LRRC3B: variants seen among roughly 807,000 people sequenced by gnomAD.
LRRC3B encodes leucine-rich repeat-containing protein 3B.
A neutral mutation model predicts 12.8 loss-of-function variants in LRRC3B; 2 were observed. The observed-to-expected ratio is 0.16, with a 90% CI of 0.06 to 0.49. The LOEUF (loss-of-function observed/expected upper bound fraction) is 0.49. LRRC3B is among the 20% of genes least tolerant of loss of function. The probability of loss-of-function intolerance (pLI) is 0.96; values close to 1 mark genes in which losing one functional copy is unlikely to be tolerated. For synonymous variants in LRRC3B, 132 were observed against 122.0 expected, an observed-to-expected ratio of 1.08 and a Z score of -0.54; for missense variants, 189 against 319.4, an observed-to-expected ratio of 0.59 and a Z score of 3.11.
At chr3:26,638,412 A>G (rs1325525667) in intron 1 of LRRC3B, among the ~76,000 whole-genome samples, 3 of 151,490 alleles carry the variant, frequency 2.0e-5, no homozygotes, top group Non-Finnish European at 2.9e-5. Flanking sequence ...GGGTCAACGG[A>G]AAAAAAAATC....
At chr3:26,658,805 G>T (rs1249877211) in intron 1 of LRRC3B, among the ~76,000 whole-genome samples, 1 of 151,770 alleles carries the variant, frequency 6.6e-6, no homozygotes, top group Non-Finnish European at 1.5e-5. Context: ...TCAAGTCTAA[G>T]ATTGCATCTA....
At chr3:26,708,681 G>GC (rs1700668321) in intron 1 of LRRC3B, among the ~76,000 whole-genome samples, 1 of 152,164 alleles carries the variant, frequency 6.6e-6, no homozygotes, top group South Asian at 2.1e-4. Flanking sequence ...AATTTCTGTA[G>GC]CCCCTGCCAA....
chr3:26,632,086 C>T (rs1460840296), intron 1 of LRRC3B, among the ~76,000 whole-genome samples: 2 of 152,090 alleles, frequency 1.3e-5, no homozygotes, highest in Admixed American at 6.6e-5. Context: ...TTCTGGGAGC[C>T]TACAATAAAA....
At chr3:26,680,218 C>T (rs1699943617) in intron 1 of LRRC3B, among the ~76,000 whole-genome samples, 1 of 152,126 alleles carries the variant, frequency 6.6e-6, no homozygotes. Context: ...TGCTTCCCAG[C>T]CTTTCCAATA....
chr3:26,694,841 C>G (rs888804305), intron 1 of LRRC3B: 1 of 152,198 alleles, frequency 6.6e-6, no homozygotes, highest in African/African-American at 2.4e-5. Flanking sequence ...GGTTGTCTAT[C>G]AATGCCTCCT....
At position 26,705,819 on chromosome 3, in the gene LRRC3B, C is replaced by A. The variant is rs539618460; in HGVS notation, c.-160-3694C>A. Among the ~76,000 whole-genome samples, 5 of 152,282 alleles carry A rather than the reference C, an allele frequency of 3.3e-5. No homozygotes were observed. The South Asian group carries it at 1.0e-3, about 32-fold the overall frequency. On this transcript the variant is annotated intron_variant, in intron 1 of 1. Coordinates refer to ENST00000396641, the Ensembl canonical transcript of LRRC3B. ...ATGTCCTCATACCTTCCTTTTCCAA[C>A]AGCCACTGTTGACCTAGCTAGTAAT...
intron 1 of LRRC3B, among the ~76,000 whole-genome samples, chr3:26,699,243 AC>A (rs1700394455): frequency 1.3e-5 from 2 of 152,142 alleles, no homozygotes; most frequent in African/African-American, 4.8e-5. Context: ...AACCCTCAAG[AC>A]AGAATGATCT....
At position 26,651,431 on chromosome 3, in the gene LRRC3B, G is replaced by T. The variant is rs1017259109; in HGVS notation, c.-161+28194G>T. 2.6e-5 allele frequency among the ~76,000 whole-genome samples: 4 copies of T among 152,116 alleles called. No homozygotes were observed. The East Asian group carries it at 7.7e-4, about 29-fold the overall frequency. On this transcript the variant is annotated intron_variant, in intron 1 of 1. Transcript: ENST00000396641. ...CCTGAACTATTATAAATGAGCACAC[G>T]TGGTGTGTACCTGTGTGTATCTGTG...
chr3:26,709,679 C>T (rs1481103672), exon 2 of LRRC3B: 8 of 1,612,862 alleles, frequency 5.0e-6, no homozygotes, highest in Non-Finnish European at 6.8e-6. Context: ...CAGCATGAAT[C>T]TGGTAGACCT....
intron 1 of LRRC3B, among the ~76,000 whole-genome samples, chr3:26,708,400 A>T (rs895964152): frequency 1.3e-5 from 2 of 152,220 alleles, no homozygotes; most frequent in African/African-American, 4.8e-5. Context: ...AGAGTAGATG[A>T]GACTGGAAGA....
exon 2 of LRRC3B, chr3:26,709,873 C>G: frequency 1.2e-6 from 2 of 1,613,736 alleles, no homozygotes; most frequent in Non-Finnish European, 1.7e-6. Context: ...CTGAAACAGT[C>G]TTACTGTATC....
intron 1 of LRRC3B, among the ~76,000 whole-genome samples, chr3:26,644,975 CACAT>C (rs1457150416): frequency 6.6e-6 from 1 of 152,110 alleles, no homozygotes; most frequent in Non-Finnish European, 1.5e-5. Context: ...GACCTGCAGA[CACAT>C]ACACATACAG....
rs151039059 is a variant in LRRC3B at position 26,655,899 on chromosome 3, C to T, written c.-161+32662C>T. On this transcript the variant is annotated intron_variant, in intron 1 of 1. Transcript: ENST00000396641. ...ATGACCTTATTGCTATTTATTATCA[C>T]CTTTTTACAGACAAGGAAACCACGA... 2.4e-3 allele frequency among the ~76,000 whole-genome samples: 367 copies of T among 152,236 alleles called. 5 individuals are homozygous for T. Among genetic ancestry groups the T allele is most frequent in the African/African-American group, 8.6e-3 (357 of 41,526 alleles).
intron 1 of LRRC3B, among the ~76,000 whole-genome samples, chr3:26,705,846 T>A (rs1457313894): frequency 6.6e-6 from 1 of 152,166 alleles, no homozygotes; most frequent in Non-Finnish European, 1.5e-5. Context: ...GCTAGTAATA[T>A]AAAGCAATGT....
intron 1 of LRRC3B, among the ~76,000 whole-genome samples, chr3:26,685,527 A>G (rs56958849): frequency 3.5e-5 from 1 of 28,468 alleles, no homozygotes; most frequent in Admixed American, 4.9e-4. Context: ...CTCTCTCTAT[A>G]TATATATATA....
intron 1 of LRRC3B, among the ~76,000 whole-genome samples, chr3:26,685,250 G>A (rs1700051637): frequency 6.6e-6 from 1 of 151,944 alleles, no homozygotes; most frequent in Admixed American, 6.6e-5. Context: ...ACTGTGCCTG[G>A]CCCACATGGG....
At chr3:26,674,756 G>A (rs1002936073) in intron 1 of LRRC3B, among the ~76,000 whole-genome samples, 13 of 152,132 alleles carry the variant, frequency 8.5e-5, no homozygotes, top group Non-Finnish European at 1.5e-4. Flanking sequence ...TTCTAAAAAT[G>A]AACTCATCCT....
intron 1 of LRRC3B, among the ~76,000 whole-genome samples, chr3:26,653,036 C>T (rs1235562619): frequency 6.6e-6 from 1 of 151,504 alleles, no homozygotes. Flanking sequence ...GATGACAGTG[C>T]CCCCTAGTAG....
intron 1 of LRRC3B, among the ~76,000 whole-genome samples, chr3:26,665,569 G>T (rs1410168164): frequency 1.3e-5 from 2 of 152,082 alleles, no homozygotes; most frequent in African/African-American, 4.8e-5. Flanking sequence ...ATAGAAAAGA[G>T]AGTTGAGGCA....
Sources: gnomAD v4.1 joint callset for allele counts (sites outside exome capture counted in the v4.1 genomes callset) on GRCh38, gnomAD v4.1.1 for gene constraint, MANE v1.5 for transcripts, NCBI Gene and HGNC (gene_info 2026-07-23, HGNC 2026-07-21) for gene names.